CTNNA3: variants seen among roughly 807,000 people sequenced by gnomAD.
The protein encoded by CTNNA3 is catenin alpha-3.
In CTNNA3, 76 loss-of-function variants were observed where a neutral mutation model predicts 95.7. That is an observed-to-expected ratio of 0.79 (90% CI 0.66 to 0.96). The LOEUF is 0.96. CTNNA3 is among the 40% of genes least tolerant of loss of function. CTNNA3 has a pLI of 0.00. For synonymous variants in CTNNA3, 431 were observed against 374.4 expected, an observed-to-expected ratio of 1.15 and a Z score of -1.74; for missense variants, 1,191 against 1,089.8, an observed-to-expected ratio of 1.09 and a Z score of -1.31.
At position 66,740,212 on chromosome 10, in the gene CTNNA3, G is replaced by A. The variant is rs554875535; in HGVS notation, c.1281+26052C>T. ...TTCCCTAAGAGTGACCAGACATGGT[G>A]AGACTTTACTCAATCAGCAAGAATA... On this transcript the variant is annotated intron_variant, in intron 9 of 17. Transcript: ENST00000433211. Among the ~76,000 whole-genome samples the A allele has an allele frequency of 1.6e-3, 244 of 152,338 alleles. 1 individual carries two copies. The highest frequency in any genetic ancestry group is 5.7e-3 in the African/African-American group (235 of 41,584).
At chr10:67,507,766 C>A (rs1839474931) in intron 5 of CTNNA3, among the ~76,000 whole-genome samples, 1 of 151,992 alleles carries the variant, frequency 6.6e-6, no homozygotes, top group South Asian at 2.1e-4. Flanking sequence ...AAGGAGGCTA[C>A]AAGAAAAGAA....
intron 9 of CTNNA3, among the ~76,000 whole-genome samples, chr10:66,685,325 GTATA>G (rs1564617459): frequency 1.8e-3 from 53 of 29,996 alleles, no homozygotes; most frequent in Admixed American, 3.6e-3. Flanking sequence ...GTGTATGTGT[GTATA>G]TATATATATA....
At chr10:66,648,530 C>T (rs573319011) in intron 9 of CTNNA3, among the ~76,000 whole-genome samples, 36 of 152,114 alleles carry the variant, frequency 2.4e-4, no homozygotes, top group African/African-American at 7.5e-4. Context: ...ACCTAAAGAC[C>T]GGGGACAAGT....
chr10:66,521,602 C>A (rs1450467034), intron 10 of CTNNA3, among the ~76,000 whole-genome samples: 5 of 152,094 alleles, frequency 3.3e-5, no homozygotes. Context: ...CATTCTTGGG[C>A]ATATTTCTGT....
At chr10:67,091,043 T>G (rs533435614) in intron 7 of CTNNA3, among the ~76,000 whole-genome samples, 1 of 152,144 alleles carries the variant, frequency 6.6e-6, no homozygotes, top group East Asian at 1.9e-4. Context: ...TTAATATTAC[T>G]CAAATAATAC....
rs1224302412 is a variant in CTNNA3, at chr10:67,452,037, TGGAG to T, written c.579+69801_579+69804del. On this transcript the variant is annotated intron_variant, in intron 5 of 17. Coordinates refer to ENST00000433211, the MANE Select transcript of CTNNA3 (RefSeq NM_013266.4). ...AAGAATAGGAAGAGGGAGAAAGGGA[TGGAG>T]GGAGGGAGGGAGGGAGGAATGGAAG... is the stretch of plus-strand genomic sequence containing the variant. Among the ~76,000 whole-genome samples, 159 of 95,684 alleles carry T rather than the reference TGGAG, an allele frequency of 1.7e-3. 1 individual carries two copies. Among genetic ancestry groups the T allele is most frequent in the South Asian group, 2.3e-3 (6 of 2,614 alleles). 62.8% of individuals were successfully genotyped at this position (95,684 alleles called of 152,430 possible).
At chr10:66,626,878 C>T (rs1844953280) in intron 9 of CTNNA3, among the ~76,000 whole-genome samples, 1 of 151,964 alleles carries the variant, frequency 6.6e-6, no homozygotes, top group Admixed American at 6.6e-5. Context: ...TTTAAAAGTT[C>T]TCCCAGGTGA....
chr10:67,668,302 T>C (rs1840367413), intron 1 of CTNNA3, among the ~76,000 whole-genome samples: 1 of 152,208 alleles, frequency 6.6e-6, no homozygotes, highest in Non-Finnish European at 1.5e-5. Context: ...ATACACTATA[T>C]GCTGTATCTG....
At chr10:66,863,180 TACACAC>T (rs71035194) in intron 7 of CTNNA3, among the ~76,000 whole-genome samples, 2,533 of 147,808 alleles carry the variant, frequency 0.017, 51 homozygotes, top group African/African-American at 0.043. Context: ...GCCAATTCTT[TACACAC>T]ACACACACAC....
chr10:66,569,586 TATA>T (rs1472237789), intron 10 of CTNNA3, among the ~76,000 whole-genome samples: 1 of 152,204 alleles, frequency 6.6e-6, no homozygotes, highest in Non-Finnish European at 1.5e-5. Flanking sequence ...ATTCAAAAAT[TATA>T]ATAAGACATT....
At chr10:66,319,502 G>A (rs1404091051) in intron 12 of CTNNA3, among the ~76,000 whole-genome samples, 1 of 152,054 alleles carries the variant, frequency 6.6e-6, no homozygotes, top group East Asian at 1.9e-4. Context: ...TGGGATGTAG[G>A]GATAAACTAA....
intron 7 of CTNNA3, among the ~76,000 whole-genome samples, chr10:66,886,035 T>C (rs2132479248): frequency 6.6e-6 from 1 of 152,218 alleles, no homozygotes; most frequent in Admixed American, 6.5e-5. Context: ...TGCAATATTT[T>C]CCTTACTGCC....
chr10:67,165,719 G>C (rs1455673051), intron 7 of CTNNA3, among the ~76,000 whole-genome samples: 1 of 152,138 alleles, frequency 6.6e-6, no homozygotes, highest in Non-Finnish European at 1.5e-5. Context: ...AGAGAAGATG[G>C]ATAGGCTTTC....
chr10:67,656,374 T>TGGTA (rs1840025976), intron 1 of CTNNA3, among the ~76,000 whole-genome samples: 1 of 152,188 alleles, frequency 6.6e-6, no homozygotes, highest in Non-Finnish European at 1.5e-5. Flanking sequence ...CCTAGCTTTT[T>TGGTA]GGTAGGCTAT....
At chr10:66,323,232 CTAAG>C (rs771199163) in intron 12 of CTNNA3, among the ~76,000 whole-genome samples, 4 of 151,982 alleles carry the variant, frequency 2.6e-5, no homozygotes, top group Non-Finnish European at 5.9e-5. Flanking sequence ...ATCTGCCACA[CTAAG>C]TATCTATTTT....
At chr10:66,089,136 G>A (rs536240106) in intron 14 of CTNNA3, among the ~76,000 whole-genome samples, 1 of 151,642 alleles carries the variant, frequency 6.6e-6, no homozygotes, top group East Asian at 1.9e-4. Flanking sequence ...TATCACATTT[G>A]GAACATCCTT....
chr10:67,599,888 T>G (rs1362460745), intron 3 of CTNNA3, among the ~76,000 whole-genome samples: 1 of 152,102 alleles, frequency 6.6e-6, no homozygotes, highest in Non-Finnish European at 1.5e-5. Context: ...ATTCTAAAAT[T>G]TCTATGAGGT....
chr10:66,055,645 CG>C lies in CTNNA3; in HGVS notation c.2159+13662del, dbSNP rs534296360. On this transcript the variant is annotated intron_variant, in intron 15 of 17. Coordinates refer to ENST00000433211, the MANE Select transcript of CTNNA3 (RefSeq NM_013266.4). ...AGTTTTTTTAAGATAAAAAATCGGCCGGGCGTGATGGCTTACGCCTGTAATA... is the reference window on the plus strand; with the variant it reads ...AGTTTTTTTAAGATAAAAAATCGGCCGGCGTGATGGCTTACGCCTGTAATA... 3.4e-3 allele frequency among the ~76,000 whole-genome samples: 521 copies of C among 152,124 alleles called. 9 individuals carry two copies. Among genetic ancestry groups the C allele is most frequent in the African/African-American group, 0.012 (504 of 41,510 alleles).
At chr10:66,589,162 T>C (rs781029920) in intron 10 of CTNNA3, among the ~76,000 whole-genome samples, 1 of 151,930 alleles carries the variant, frequency 6.6e-6, no homozygotes, top group Non-Finnish European at 1.5e-5. Context: ...GTTTCCTTTA[T>C]AGTTATAAGA....
Sources: allele counts gnomAD v4.1 joint callset (sites outside exome capture counted in the v4.1 genomes callset), GRCh38; gene constraint gnomAD v4.1.1; transcripts MANE v1.5; gene names NCBI Gene and HGNC (gene_info 2026-07-23, HGNC 2026-07-21).